Variants in LAPTM4B observed in about 807,000 individuals in gnomAD.
LAPTM4B encodes the protein lysosomal-associated transmembrane protein 4B.
In LAPTM4B, 26 loss-of-function variants were observed where a neutral mutation model predicts 28.5. The ratio of observed to expected loss-of-function variants is 0.91; its 90% CI spans 0.67 to 1.27. The LOEUF (loss-of-function observed/expected upper bound fraction) is 1.27. LAPTM4B is among the 50% of genes most tolerant of loss of function. The probability of loss-of-function intolerance (pLI) is 0.00; values close to 1 mark genes in which losing one functional copy is unlikely to be tolerated. For synonymous variants in LAPTM4B, 109 were observed against 106.4 expected (o/e 1.02, Z -0.15); for missense variants, 288 against 285.8 (o/e 1.01, Z -0.06).
At chr8:97,800,589 C>T (rs776216689) in intron 1 of LAPTM4B, among the ~76,000 whole-genome samples, 25 of 150,176 alleles carry the variant, frequency 1.7e-4, no homozygotes, top group South Asian at 6.3e-4. Flanking sequence ...CTCCGCCTCC[C>T]GGGTTCAAGC....
At chr8:97,782,990 C>T (rs918991964) in intron 1 of LAPTM4B, among the ~76,000 whole-genome samples, 1 of 148,728 alleles carries the variant, frequency 6.7e-6, no homozygotes, top group African/African-American at 2.5e-5. Flanking sequence ...TCAAGCTGGT[C>T]TCAAACTCCC....
At chr8:97,815,972 T>A in intron 3 of LAPTM4B, 86 bp from the exon 4 acceptor site, 1 of 1,299,326 alleles carries the variant, frequency 7.7e-7, no homozygotes, top group Non-Finnish European at 1.0e-6. Flanking sequence ...CCATTTCCTT[T>A]CAGATTAATA....
intron 6 of LAPTM4B, 53 bp from the exon 7 acceptor site, chr8:97,851,344 G>A: frequency 7.2e-7 from 1 of 1,393,886 alleles, no homozygotes; most frequent in Non-Finnish European, 1.0e-6. Context: ...TAAACCTCGG[G>A]GAACGTGTGT....
chr8:97,806,126 A>G (rs1816753387), intron 2 of LAPTM4B, among the ~76,000 whole-genome samples: 1 of 152,212 alleles, frequency 6.6e-6, no homozygotes, highest in East Asian at 1.9e-4. Context: ...GGAGCAAAGT[A>G]AGAGAGGAGA....
chr8:97,796,563 A>G lies in LAPTM4B; in HGVS notation c.100-8790A>G, dbSNP rs117453875. 4.8e-3 allele frequency among the ~76,000 whole-genome samples: 724 copies of G among 152,190 alleles called. 17 individuals carry two copies. In the East Asian group the frequency reaches 0.074, roughly 16 times the overall value. On this transcript the variant is annotated intron_variant, in intron 1 of 6. Coordinates refer to ENST00000521545, the MANE Select transcript of LAPTM4B (RefSeq NM_018407.6). ...ATGCTTACATTAGACAATTTGGGGG[A>G]AAAAAGGACCTAGTTTATAATCATT...
chr8:97,845,870 T>TCCCCTCCCCC (rs1817424486), intron 6 of LAPTM4B, among the ~76,000 whole-genome samples: 1 of 10,336 alleles, frequency 9.7e-5, no homozygotes. Flanking sequence ...CCCCTTCCAC[T>TCCCCTCCCCC]CCCCTCCCCT....
intron 6 of LAPTM4B, among the ~76,000 whole-genome samples, chr8:97,843,224 C>T (rs553407544): frequency 2.0e-5 from 3 of 152,218 alleles, no homozygotes; most frequent in South Asian, 2.1e-4. Flanking sequence ...CCGGGCCATC[C>T]GAGACCATCC....
chr8:97,786,701 G>GA (rs147660476), intron 1 of LAPTM4B, among the ~76,000 whole-genome samples: 2,354 of 89,114 alleles, frequency 0.026, 51 homozygotes, highest in East Asian at 0.1. Context: ...TCCCGTCTCA[G>GA]AAAAAAAAAA....
intron 1 of LAPTM4B, among the ~76,000 whole-genome samples, chr8:97,797,114 T>C (rs1645733979): frequency 6.8e-6 from 1 of 148,144 alleles, no homozygotes; most frequent in Non-Finnish European, 1.5e-5. Context: ...AAACTAGATA[T>C]TAATAATAAA....
chr8:97,797,260 G>A (rs866262322), intron 1 of LAPTM4B, among the ~76,000 whole-genome samples: 3 of 151,664 alleles, frequency 2.0e-5, no homozygotes, highest in Middle Eastern at 3.4e-3. Flanking sequence ...TCAGCCTTCC[G>A]AGTAGCTGGG....
chr8:97,831,082 G>A (rs1340786644), intron 6 of LAPTM4B, among the ~76,000 whole-genome samples: 2 of 152,120 alleles, frequency 1.3e-5, no homozygotes, highest in East Asian at 3.9e-4. Flanking sequence ...TTGGTAAGAT[G>A]TGTTTTTAAA....
intron 1 of LAPTM4B, chr8:97,788,506 C>G: frequency 5.4e-6 from 1 of 185,404 alleles, no homozygotes; most frequent in Non-Finnish European, 1.1e-5. Flanking sequence ...CCTTGGCCTC[C>G]CAGAAGTGCT....
rs139585466 is a variant in LAPTM4B, at chr8:97,782,129, C to T, written c.99+6021C>T. Among the ~76,000 whole-genome samples the T allele has an allele frequency of 1.3e-4, 19 of 151,668 alleles. No homozygotes were observed. In the East Asian group the frequency reaches 1.4e-3, roughly 11 times the overall value. ...CCTAGTAGCTGGGATTACAGGCATGCGCCACCACACCTGTTTAATTTTGTA... is the reference window on the plus strand; with the variant it reads ...CCTAGTAGCTGGGATTACAGGCATGTGCCACCACACCTGTTTAATTTTGTA... On this transcript the variant is annotated intron_variant, in intron 1 of 6. Transcript: ENST00000521545.
At chr8:97,780,413 G>A (rs1434455863) in intron 1 of LAPTM4B, among the ~76,000 whole-genome samples, 3 of 152,046 alleles carry the variant, frequency 2.0e-5, no homozygotes, top group African/African-American at 4.8e-5. Context: ...CAACAAAAGC[G>A]AAACTCTGTC....
intron 1 of LAPTM4B, among the ~76,000 whole-genome samples, chr8:97,777,425 C>T (rs1031418980): frequency 1.3e-5 from 2 of 151,906 alleles, no homozygotes; most frequent in African/African-American, 4.8e-5. Context: ...AGATTACAGG[C>T]GTGAGTGAGC....
intron 1 of LAPTM4B, among the ~76,000 whole-genome samples, chr8:97,783,225 T>C (rs759506670): frequency 2.6e-5 from 4 of 152,010 alleles, no homozygotes; most frequent in Non-Finnish European, 5.9e-5. Flanking sequence ...TCAGAGTAGC[T>C]GCTTCATTGG....
At chr8:97,807,456 C>A (rs531276161) in intron 2 of LAPTM4B, among the ~76,000 whole-genome samples, 2 of 152,256 alleles carry the variant, frequency 1.3e-5, no homozygotes, top group South Asian at 2.1e-4. Flanking sequence ...TGAGTTAGTG[C>A]GTAAAACATG....
intron 1 of LAPTM4B, among the ~76,000 whole-genome samples, chr8:97,795,101 A>G (rs1342981275): frequency 1.3e-5 from 2 of 152,166 alleles, no homozygotes; most frequent in African/African-American, 4.8e-5. Flanking sequence ...TATAATGTTT[A>G]TTTATTATTA....
chr8:97,782,383 C>T (rs576920904), intron 1 of LAPTM4B, among the ~76,000 whole-genome samples: 1 of 141,374 alleles, frequency 7.1e-6, no homozygotes, highest in South Asian at 2.4e-4. Flanking sequence ...AGCAGCCTTG[C>T]CATTTCAGCC....
Sources: gnomAD v4.1 joint callset for allele counts (sites outside exome capture counted in the v4.1 genomes callset) on GRCh38, gnomAD v4.1.1 for gene constraint, MANE v1.5 for transcripts, NCBI Gene and HGNC (gene_info 2026-07-23, HGNC 2026-07-21) for gene names.